Variants in ATP8A2 observed in about 807,000 individuals in gnomAD.
ATP8A2 encodes the protein phospholipid-transporting ATPase IB.
A neutral mutation model predicts 165.6 loss-of-function variants in ATP8A2; 100 were observed. The observed-to-expected ratio is 0.60, with a 90% CI of 0.51 to 0.71. The LOEUF (loss-of-function observed/expected upper bound fraction) is 0.71, where lower values mean the gene tolerates loss of function less well. ATP8A2 is among the 30% of genes least tolerant of loss of function. ATP8A2 has a pLI of 0.00. For missense variants in ATP8A2, 1,227 were observed against 1,479.5 expected (o/e 0.83, Z 2.80); for synonymous variants, 543 against 548.8 (o/e 0.99, Z 0.15).
chr13:25,569,926 C>T (rs900456939), intron 16 of ATP8A2, among the ~76,000 whole-genome samples: 10 of 152,090 alleles, frequency 6.6e-5, no homozygotes, highest in South Asian at 2.1e-4. Context: ...AATTAATAGA[C>T]GTGCCAGGTC....
chr13:25,482,949 C>T (rs2036249284), intron 2 of ATP8A2, among the ~76,000 whole-genome samples: 1 of 152,176 alleles, frequency 6.6e-6, no homozygotes, highest in African/African-American at 2.4e-5. Context: ...TCATCAGCAG[C>T]GTGAAAACGG....
At chr13:25,498,323 C>T (rs2036744082) in intron 2 of ATP8A2, among the ~76,000 whole-genome samples, 1 of 152,176 alleles carries the variant, frequency 6.6e-6, no homozygotes, top group East Asian at 1.9e-4. Flanking sequence ...TTTGATATTT[C>T]ACCTTTAAAA....
intron 1 of ATP8A2, among the ~76,000 whole-genome samples, chr13:25,439,425 GAAA>G (rs958440162): frequency 6.6e-6 from 1 of 151,776 alleles, no homozygotes; most frequent in Non-Finnish European, 1.5e-5. Context: ...CATTTTAAAT[GAAA>G]AAAAAGTCTG....
intron 1 of ATP8A2, among the ~76,000 whole-genome samples, chr13:25,464,714 G>C (rs1023744361): frequency 6.6e-6 from 1 of 152,200 alleles, no homozygotes; most frequent in Non-Finnish European, 1.5e-5. Flanking sequence ...GCTTGTATGA[G>C]GAAAGAGGTC....
At chr13:25,916,604 C>G (rs962394408) in intron 33 of ATP8A2, among the ~76,000 whole-genome samples, 2 of 152,154 alleles carry the variant, frequency 1.3e-5, no homozygotes, top group African/African-American at 2.4e-5. Context: ...GTTTGATGTA[C>G]GTGGTCCAGC....
chr13:25,703,740 C>T, intron 25 of ATP8A2, among the ~76,000 whole-genome samples: 1 of 152,146 alleles, frequency 6.6e-6, no homozygotes. Flanking sequence ...ATAGGCAAAT[C>T]CACAGAGCCA....
chr13:25,577,276 T>G (rs1004524764), intron 20 of ATP8A2, 138 bp downstream of exon 20: 3 of 763,106 alleles, frequency 3.9e-6, no homozygotes, highest in Non-Finnish European at 6.7e-6. Flanking sequence ...GCTGTGAAGT[T>G]GACTTAGTAG....
intron 33 of ATP8A2, among the ~76,000 whole-genome samples, chr13:25,891,248 AAACG>A (rs1241261306): frequency 5.9e-5 from 9 of 152,190 alleles, no homozygotes; most frequent in African/African-American, 2.2e-4. Flanking sequence ...CGCCACTCGA[AAACG>A]ATCGTGTTGA....
intron 33 of ATP8A2, among the ~76,000 whole-genome samples, chr13:25,916,039 A>G (rs1159441794): frequency 2.0e-5 from 3 of 152,204 alleles, no homozygotes; most frequent in Non-Finnish European, 4.4e-5. Flanking sequence ...CTATTCCTTT[A>G]TTAACATGAA....
In ATP8A2 at chr13:25,530,448, C is replaced by T; in HGVS notation, c.322-114C>T. ...AAGTAAGGTAATTATTTTTGAGTAACAGAAATGGAACAGAACTGCAAAAGT... is the reference window on the plus strand; with the variant it reads ...AAGTAAGGTAATTATTTTTGAGTAATAGAAATGGAACAGAACTGCAAAAGT... On this transcript the variant is annotated intron_variant, in intron 3 of 36. Coordinates refer to ENST00000381655, the MANE Select transcript of ATP8A2 (RefSeq NM_016529.6). 5.9e-6 allele frequency: 4 copies of T among 673,126 alleles called. 1 individual carries two copies. Among genetic ancestry groups the T allele is most frequent in the Non-Finnish European group, 1.0e-5 (4 of 381,656 alleles). The allele number at this position is 673,126 out of a possible 1,614,324, so 41.7% of individuals were successfully genotyped here. A position where few individuals can be genotyped will look rare whatever the true frequency, so the allele number is the denominator to read the frequency against.
chr13:25,426,836 C>T (rs975753375), intron 1 of ATP8A2, among the ~76,000 whole-genome samples: 2 of 152,048 alleles, frequency 1.3e-5, no homozygotes, highest in Non-Finnish European at 2.9e-5. Context: ...ATCCCAGCTA[C>T]TCGGGAGGCT....
intron 1 of ATP8A2, among the ~76,000 whole-genome samples, chr13:25,375,297 C>A (rs914580739): frequency 6.6e-6 from 1 of 152,176 alleles, no homozygotes; most frequent in Non-Finnish European, 1.5e-5. Context: ...AGCTTATGGT[C>A]TAGGCAGTGA....
In ATP8A2 at chr13:25,948,842, G is replaced by A. The variant is rs146164959; in HGVS notation, c.3184-12733G>A. Among the ~76,000 whole-genome samples the A allele has an allele frequency of 2.2e-3, 338 of 152,334 alleles. 1 individual carries two copies. The highest frequency in any genetic ancestry group is 7.7e-3 in the African/African-American group (322 of 41,584). On this transcript the variant is annotated intron_variant, in intron 33 of 36. Transcript: ENST00000381655. ...CTTCCAACCTCCAGGACTGCAAGCA[G>A]ATACATATCTGTGGTTTAAGTCACC...
intron 33 of ATP8A2, among the ~76,000 whole-genome samples, chr13:25,941,046 T>C (rs777016483): frequency 1.2e-4 from 18 of 152,126 alleles, no homozygotes; most frequent in Non-Finnish European, 5.9e-5. Context: ...TGTGGAGCAC[T>C]CCACACCCAC....
At chr13:25,575,125 G>T (rs2039580115) in intron 19 of ATP8A2, among the ~76,000 whole-genome samples, 1 of 152,160 alleles carries the variant, frequency 6.6e-6, no homozygotes, top group African/African-American at 2.4e-5. Flanking sequence ...TGATGTTCTT[G>T]CATCAGCAGC....
rs114157808 is a variant in ATP8A2, at chr13:25,430,659, G to A, written c.77-38318G>A. Among the ~76,000 whole-genome samples, 854 of 152,152 alleles carry A rather than the reference G, an allele frequency of 5.6e-3. 9 individuals are homozygous for A. Among genetic ancestry groups the A allele is most frequent in the African/African-American group, 0.019 (800 of 41,508 alleles). On this transcript the variant is annotated intron_variant, in intron 1 of 36. Transcript: ENST00000381655. Reference sequence around the variant, plus strand: ...GCTCTGTTGCCCAGACTGAAGTGGCGAAATCTCGGCTCGCTGTAGCCTCCG... The same window carrying A: ...GCTCTGTTGCCCAGACTGAAGTGGCAAAATCTCGGCTCGCTGTAGCCTCCG...
At chr13:25,676,402 A>G (rs990093744) in intron 24 of ATP8A2, among the ~76,000 whole-genome samples, 1 of 152,050 alleles carries the variant, frequency 6.6e-6, no homozygotes, top group Admixed American at 6.6e-5. Context: ...ACCTCATGAG[A>G]GGTGGAGGAT....
chr13:25,712,231 G>A (rs187764509), intron 25 of ATP8A2, among the ~76,000 whole-genome samples: 1 of 152,070 alleles, frequency 6.6e-6, no homozygotes, highest in African/African-American at 2.4e-5. Context: ...TGGCTTAATG[G>A]GTCAGGGGTG....
At chr13:25,515,588 C>T (rs984024695) in intron 2 of ATP8A2, among the ~76,000 whole-genome samples, 1 of 152,188 alleles carries the variant, frequency 6.6e-6, no homozygotes, top group Non-Finnish European at 1.5e-5. Context: ...AAAGACAACC[C>T]CACATCTTAG....
Sources: allele counts gnomAD v4.1 joint callset (sites outside exome capture counted in the v4.1 genomes callset), GRCh38; gene constraint gnomAD v4.1.1; transcripts MANE v1.5; gene names NCBI Gene and HGNC (gene_info 2026-07-23, HGNC 2026-07-21).